The following AFAP1 variants were observed in gnomAD, a reference collection of about 807,000 sequenced individuals.
AFAP1 encodes the protein actin filament associated protein 1.
Under a neutral mutation model 93.9 loss-of-function variants are expected in AFAP1, and 75 were observed. That is an observed-to-expected ratio of 0.80 (90% CI 0.66 to 0.97). The LOEUF is 0.97. Ranked by LOEUF, AFAP1 falls within the 50% of genes least tolerant of loss-of-function variation. The probability of loss-of-function intolerance (pLI) is 0.00; values close to 1 mark genes in which losing one functional copy is unlikely to be tolerated. For missense variants in AFAP1, 1,201 were observed against 1,050.8 expected (o/e 1.14, Z -1.98); for synonymous variants, 517 against 430.7 (o/e 1.20, Z -2.48).
chr4:7,873,827 C>A (rs1387028246), intron 1 of AFAP1, among the ~76,000 whole-genome samples: 1 of 152,136 alleles, frequency 6.6e-6, no homozygotes. Flanking sequence ...GAATGACAGG[C>A]AAACTGCAAT....
At chr4:7,801,432 T>G (rs975323767) in intron 9 of AFAP1, among the ~76,000 whole-genome samples, 1 of 151,462 alleles carries the variant, frequency 6.6e-6, no homozygotes, top group Admixed American at 6.6e-5. Context: ...TTATCCTCAT[T>G]TAAAAAAAAA....
At chr4:7,839,676 G>T (rs1241866004) in intron 5 of AFAP1, among the ~76,000 whole-genome samples, 1 of 152,156 alleles carries the variant, frequency 6.6e-6, no homozygotes, top group African/African-American at 2.4e-5. Flanking sequence ...GACTGGTAAG[G>T]TTAGAACTGA....
chr4:7,857,186 C>T (rs1715164625), intron 3 of AFAP1, among the ~76,000 whole-genome samples: 1 of 152,140 alleles, frequency 6.6e-6, no homozygotes, highest in Non-Finnish European at 1.5e-5. Flanking sequence ...TTGAAATCTA[C>T]TCAGTTACAG....
intron 1 of AFAP1, among the ~76,000 whole-genome samples, chr4:7,881,995 G>T (rs1286666417): frequency 6.6e-6 from 1 of 152,090 alleles, no homozygotes; most frequent in East Asian, 1.9e-4. Context: ...TTCATCAGTG[G>T]TAACTACAAC....
chr4:7,774,978 C>G, intron 14 of AFAP1, 75 bp from the exon 15 acceptor site: 1 of 1,531,446 alleles, frequency 6.5e-7, no homozygotes, highest in Non-Finnish European at 8.8e-7. Flanking sequence ...CCCTTCTCCA[C>G]AAAAAATACA....
intron 4 of AFAP1, among the ~76,000 whole-genome samples, chr4:7,845,190 G>A (rs920161109): frequency 6.6e-6 from 1 of 152,186 alleles, no homozygotes; most frequent in South Asian, 2.1e-4. Context: ...GGGAGGCCAA[G>A]GCGGGCGAAT....
chr4:7,849,512 C>T (rs4401450), intron 4 of AFAP1, among the ~76,000 whole-genome samples: 14,022 of 152,148 alleles, frequency 0.092, 1,211 homozygotes, highest in East Asian at 0.48. Context: ...TTCTCACACT[C>T]GGGTGAGGGG....
At chr4:7,832,555 C>T (rs779620219) in intron 6 of AFAP1, among the ~76,000 whole-genome samples, 7 of 151,918 alleles carry the variant, frequency 4.6e-5, no homozygotes, top group Non-Finnish European at 1.0e-4. Context: ...CAGGTACTTG[C>T]CGGCAACGAT....
At chr4:7,838,413 G>T (rs1577274940) in intron 6 of AFAP1, 111 bp downstream of exon 6, 2 of 1,265,852 alleles carry the variant, frequency 1.6e-6, no homozygotes, top group African/African-American at 3.0e-5. Flanking sequence ...CTCTTTGGGT[G>T]AATCCATCTT....
intron 11 of AFAP1, among the ~76,000 whole-genome samples, chr4:7,790,200 A>C (rs1235344050): frequency 2.0e-5 from 3 of 152,230 alleles, no homozygotes; most frequent in African/African-American, 7.2e-5. Context: ...TTTCCTTGTC[A>C]CATCTCATCT....
At chr4:7,815,193 C>A (rs888556279) in intron 8 of AFAP1, among the ~76,000 whole-genome samples, 1 of 152,124 alleles carries the variant, frequency 6.6e-6, no homozygotes, top group African/African-American at 2.4e-5. Context: ...TCAATGAGGT[C>A]CCTAGAGGAG....
intron 6 of AFAP1, among the ~76,000 whole-genome samples, chr4:7,822,266 C>G (rs1221769292): frequency 6.6e-6 from 1 of 152,090 alleles, no homozygotes; most frequent in African/African-American, 2.4e-5. Flanking sequence ...ATTCTCAGAG[C>G]CTTGCTTCCT....
intron 1 of AFAP1, among the ~76,000 whole-genome samples, chr4:7,931,665 G>C (rs942997062): frequency 1.3e-5 from 2 of 151,734 alleles, no homozygotes; most frequent in Non-Finnish European, 2.9e-5. Context: ...TTACGGGTGT[G>C]AGCCACCACA....
intron 1 of AFAP1, among the ~76,000 whole-genome samples, chr4:7,914,318 G>A (rs1045893368): frequency 2.0e-5 from 3 of 152,160 alleles, no homozygotes; most frequent in African/African-American, 7.2e-5. Context: ...GCCTCCCACA[G>A]TGCTGGGATT....
In AFAP1 at chr4:7,855,485, A is replaced by C. The variant is rs781671518; in HGVS notation, c.315T>G (p.Ala105=). 4.4e-5 allele frequency: 71 copies of C among 1,611,652 alleles called. No individual in the cohort carries two copies. Among genetic ancestry groups the C allele is most frequent in the Non-Finnish European group, 5.8e-5 (68 of 1,178,574 alleles). The change falls in exon 4 of 18, where the codon GCT becomes GCG. Residue 105 remains alanine (A), a synonymous_variant. Transcript: ENST00000420658. The stretch of plus-strand genomic sequence containing the variant: ...ACTCACTTGATGTGATGTATTCCGG[A>C]GCTTTTCCGGGGCTCAGCGGCACAG... ...EEAVPLSPGK[A]PEYITSNYDS...
intron 1 of AFAP1, among the ~76,000 whole-genome samples, chr4:7,900,206 G>A (rs1208193126): frequency 1.3e-5 from 2 of 152,208 alleles, no homozygotes; most frequent in Non-Finnish European, 2.9e-5. Flanking sequence ...GATCCTGCAA[G>A]AAGGAACTGT....
intron 15 of AFAP1, chr4:7,774,415 C>A (rs998140601): frequency 6.4e-6 from 2 of 310,230 alleles, no homozygotes; most frequent in Non-Finnish European, 5.9e-6. Flanking sequence ...CTGCGTCCTG[C>A]GGATACAGGG....
intron 11 of AFAP1, among the ~76,000 whole-genome samples, chr4:7,788,364 CG>C (rs1412771596): frequency 1.3e-5 from 2 of 152,228 alleles, no homozygotes; most frequent in African/African-American, 4.8e-5. Context: ...CGGGAGGTAC[CG>C]GGCTTGGGGC....
intron 4 of AFAP1, among the ~76,000 whole-genome samples, chr4:7,845,576 G>C (rs947144692): frequency 5.3e-5 from 8 of 152,110 alleles, no homozygotes; most frequent in Non-Finnish European, 2.9e-5. Context: ...ATGAGGGGCT[G>C]ACTCAAAGGT....
Sources: allele counts gnomAD v4.1 joint callset (sites outside exome capture counted in the v4.1 genomes callset), GRCh38; gene constraint gnomAD v4.1.1; transcripts MANE v1.5; gene names NCBI Gene and HGNC (gene_info 2026-07-23, HGNC 2026-07-21).